TRERF1: variants seen among roughly 807,000 people sequenced by gnomAD.
The protein encoded by TRERF1 is transcriptional-regulating factor 1.
A neutral mutation model predicts 122.9 loss-of-function variants in TRERF1; 27 were observed. The ratio of observed to expected loss-of-function variants is 0.22; its 90% CI spans 0.16 to 0.30. TRERF1 has a LOEUF of 0.30. Among genes scored for constraint, TRERF1 ranks in the 10% least tolerant of loss-of-function variants. TRERF1 has a pLI of 1.00. For synonymous variants in TRERF1, 636 were observed against 641.7 expected (o/e 0.99, Z 0.13); for missense variants, 1,248 against 1,560.3 (o/e 0.80, Z 3.37).
intron 3 of TRERF1, among the ~76,000 whole-genome samples, chr6:42,348,290 G>C (rs184422735): frequency 6.6e-6 from 1 of 151,666 alleles, no homozygotes; most frequent in East Asian, 1.9e-4. Flanking sequence ...GTCTCACTCT[G>C]TCATCTAGGC....
At chr6:42,256,373 G>C (rs1055547448) in intron 12 of TRERF1, among the ~76,000 whole-genome samples, 1 of 152,148 alleles carries the variant, frequency 6.6e-6, no homozygotes, top group African/African-American at 2.4e-5. Flanking sequence ...GAGTATGATA[G>C]GCTATTTTAG....
chr6:42,289,089 C>T (rs1184677855), intron 4 of TRERF1, among the ~76,000 whole-genome samples: 1 of 151,738 alleles, frequency 6.6e-6, no homozygotes, highest in East Asian at 1.9e-4. Flanking sequence ...TTTGGGAGGC[C>T]AAGGCAGGTG....
intron 3 of TRERF1, among the ~76,000 whole-genome samples, chr6:42,332,370 A>G (rs941089956): frequency 2.6e-5 from 4 of 152,224 alleles, no homozygotes; most frequent in African/African-American, 9.6e-5. Context: ...TTAGATCCCT[A>G]TAGACAGAAA....
In TRERF1 at chr6:42,263,500, CGGCGGA is replaced by C. The variant is rs377404285; in HGVS notation, c.1698_1703del (p.Pro569_Pro570del). The C allele has an allele frequency of 2.2e-4, 352 of 1,573,656 alleles. No individual in the cohort carries two copies. The highest frequency in any genetic ancestry group is 8.2e-4 in the African/African-American group (61 of 74,016). On this transcript the variant is annotated inframe_deletion, in exon 8 of 18. Coordinates refer to ENST00000372922, the Ensembl canonical transcript of TRERF1. The surrounding 1 kb of genome is among the most constrained non-coding windows in gnomAD (Gnocchi z 5.6). ...CTGCCTCGGGAGGGAGCTGTGGTGGCGGCGGAGGCGGAGGCGGAGGCGGCAGTGGTG... is the reference window on the plus strand; with the variant it reads ...CTGCCTCGGGAGGGAGCTGTGGTGGCGGCGGAGGCGGAGGCGGCAGTGGTG...
At position 42,291,969 on chromosome 6, in the gene TRERF1, A is replaced by C. The variant is rs571439060; in HGVS notation, c.-259+8669T>G. Among the ~76,000 whole-genome samples, 5 of 152,288 alleles carry C rather than the reference A, an allele frequency of 3.3e-5. No individual in the cohort carries two copies. The South Asian group carries it at 8.3e-4, about 25-fold the overall frequency. ...CTTCTGGAGTCAAAGATTGGGGTTC[A>C]AATCTCAACGTTCCACTGGCATAGT... On this transcript the variant is annotated intron_variant, in intron 4 of 17. Transcript: ENST00000372922.
At chr6:42,440,568 C>T (rs935337664) in intron 2 of TRERF1, among the ~76,000 whole-genome samples, 4 of 152,072 alleles carry the variant, frequency 2.6e-5, no homozygotes, top group Admixed American at 1.3e-4. Flanking sequence ...ATGCTGATAC[C>T]CCATGGCCTA....
chr6:42,325,275 G>A (rs1185919929), intron 3 of TRERF1, among the ~76,000 whole-genome samples: 1 of 152,144 alleles, frequency 6.6e-6, no homozygotes, highest in East Asian at 1.9e-4. Context: ...GCGCGGCTGT[G>A]GGGAAAAGGG....
At chr6:42,438,793 A>G (rs1367434459) in intron 2 of TRERF1, among the ~76,000 whole-genome samples, 1 of 152,208 alleles carries the variant, frequency 6.6e-6, no homozygotes, top group Non-Finnish European at 1.5e-5. Flanking sequence ...TGAGAAGGAC[A>G]GAAGGCTGAG....
In TRERF1 at chr6:42,286,293, G is replaced by T. The variant is rs1455863506; in HGVS notation, c.-259+14345C>A. ...AACCAAAGCCAAAATTGACAAATGG[G>T]ATCTAATTAAACTAAAGAGCTTCTG... On this transcript the variant is annotated intron_variant, in intron 4 of 17. Coordinates refer to ENST00000372922, the Ensembl canonical transcript of TRERF1. 7.6e-5 allele frequency among the ~76,000 whole-genome samples: 11 copies of T among 145,650 alleles called. 1 individual carries two copies. The highest frequency in any genetic ancestry group is 6.7e-4 in the South Asian group (3 of 4,500).
intron 2 of TRERF1, among the ~76,000 whole-genome samples, chr6:42,404,822 G>A (rs944296027): frequency 6.6e-6 from 1 of 152,080 alleles, no homozygotes; most frequent in African/African-American, 2.4e-5. Flanking sequence ...TCTCACTTTG[G>A]GTTTTCTTTG....
At chr6:42,332,174 C>T (rs1463729883) in intron 3 of TRERF1, among the ~76,000 whole-genome samples, 2 of 152,228 alleles carry the variant, frequency 1.3e-5, no homozygotes, top group East Asian at 1.9e-4. Context: ...AACTGCTGAC[C>T]TCAGGTGATC....
intron 3 of TRERF1, among the ~76,000 whole-genome samples, chr6:42,360,123 A>C (rs1481281550): frequency 1.3e-5 from 2 of 152,272 alleles, no homozygotes; most frequent in Non-Finnish European, 2.9e-5. Context: ...ATTTGGCAAT[A>C]TATGACACTA....
intron 3 of TRERF1, among the ~76,000 whole-genome samples, chr6:42,321,381 T>C (rs1340981368): frequency 6.6e-6 from 1 of 151,040 alleles, no homozygotes; most frequent in African/African-American, 2.4e-5. Context: ...ATATATAAAA[T>C]ACCCAACTGG....
intron 3 of TRERF1, among the ~76,000 whole-genome samples, chr6:42,317,672 T>C (rs1762714673): frequency 1.3e-5 from 2 of 151,918 alleles, no homozygotes; most frequent in Non-Finnish European, 2.9e-5. Flanking sequence ...AAAATAACAG[T>C]CTTCTCCACA....
Position 42,268,991 on chromosome 6 carries a change from G to A in TRERF1, c.600C>T (p.Arg200=), listed in dbSNP as rs778884060. ...GAGGCTGCTGGGGCACCTGCTGGTAGCGGGAAGGGATAGCCGGTGCTGGGG... is the reference window on the plus strand; with the variant it reads ...GAGGCTGCTGGGGCACCTGCTGGTAACGGGAAGGGATAGCCGGTGCTGGGG... The change falls in exon 5 of 18, where the codon CGC becomes CGT. Residue 200 remains arginine (R), a synonymous_variant. Coordinates refer to ENST00000372922, the Ensembl canonical transcript of TRERF1. The surrounding 1 kb of genome is among the most constrained non-coding windows in gnomAD (Gnocchi z 4.4). The A allele has an allele frequency of 6.2e-7, 1 of 1,612,638 alleles. No individual in the cohort carries two copies. Among genetic ancestry groups the A allele is most frequent in the Admixed American group, 1.7e-5 (1 of 60,004 alleles).
chr6:42,451,451 G>A (rs1334643849), intron 1 of TRERF1, among the ~76,000 whole-genome samples, 190 bp from the exon 2 acceptor site: 2 of 150,196 alleles, frequency 1.3e-5, no homozygotes, highest in African/African-American at 4.9e-5. Flanking sequence ...CCCCACCCAG[G>A]GTAGGAAGCT....
chr6:42,378,388 GA>G (rs200117763), intron 2 of TRERF1, among the ~76,000 whole-genome samples: 4,882 of 132,530 alleles, frequency 0.037, 215 homozygotes, highest in African/African-American at 0.12. Context: ...GAAGAAAAAA[GA>G]AAAAAAAAAA....
chr6:42,274,918 A>G (rs945642124), intron 4 of TRERF1, among the ~76,000 whole-genome samples: 2 of 152,194 alleles, frequency 1.3e-5, no homozygotes, highest in Admixed American at 1.3e-4. Context: ...AAGCATGCAA[A>G]TTGTAAAAAT....
chr6:42,259,644 C>G lies in TRERF1; in HGVS notation c.1964G>C (p.Arg655Pro), dbSNP rs1582626793. 1.9e-6 allele frequency: 3 copies of G among 1,612,624 alleles called. No individual in the cohort carries two copies. The highest frequency in any genetic ancestry group is 3.3e-5 in the Admixed American group (2 of 60,004). ...GATGAAGAGAGGTTCCGGCCGGTGC[C>G]GGAACTTTTTCTTCTCCTGCACGGT... Residue 655 changes from arginine (R) to proline (P), a missense_variant, in exon 9 of 18, where the codon CGG becomes CCG. This residue lies in a region of TRERF1 where 946 missense variants were observed against 1,073.0 expected (regional missense o/e 0.88). Transcript: ENST00000372922. The surrounding 1 kb of genome is among the most constrained non-coding windows in gnomAD (Gnocchi z 4.9).
Sources: allele counts gnomAD v4.1 joint callset (sites outside exome capture counted in the v4.1 genomes callset), GRCh38; gene constraint gnomAD v4.1.1; regional missense constraint gnomAD v4.1.1; non-coding constraint Gnocchi (gnomAD v3.1); transcripts MANE v1.5; gene names NCBI Gene and HGNC (gene_info 2026-07-23, HGNC 2026-07-21).